Variants in SLC44A5 observed in about 807,000 individuals in gnomAD.
SLC44A5 encodes the protein solute carrier family 44 member 5.
A neutral mutation model predicts 101.8 loss-of-function variants in SLC44A5; 57 were observed. That is an observed-to-expected ratio of 0.56 (90% confidence interval 0.45 to 0.70). The LOEUF is 0.70. Among genes scored for constraint, SLC44A5 ranks in the 30% least tolerant of loss-of-function variants. The pLI is 0.00. For missense variants in SLC44A5, 737 were observed against 853.1 expected, an observed-to-expected ratio of 0.86 and a Z score of 1.70; for synonymous variants, 281 against 290.9, an observed-to-expected ratio of 0.97 and a Z score of 0.35.
At chr1:75,395,017 A>G (rs1285506485) in intron 3 of SLC44A5, among the ~76,000 whole-genome samples, 2 of 152,020 alleles carry the variant, frequency 1.3e-5, no homozygotes, top group Non-Finnish European at 2.9e-5. Flanking sequence ...ACAATATCCT[A>G]TATTGAACCT....
At chr1:75,283,178 A>G (rs112792147) in intron 5 of SLC44A5, among the ~76,000 whole-genome samples, 1 of 120,444 alleles carries the variant, frequency 8.3e-6, no homozygotes. Flanking sequence ...TTTTTTTTTT[A>G]TTATGGCCAT....
At chr1:75,608,591 C>G (rs1158084418) in intron 1 of SLC44A5, among the ~76,000 whole-genome samples, 2 of 151,984 alleles carry the variant, frequency 1.3e-5, no homozygotes, top group African/African-American at 4.8e-5. Context: ...AGTCTTAAAA[C>G]TTTCTAAAAA....
chr1:75,601,008 T>C (rs917924837), intron 1 of SLC44A5, among the ~76,000 whole-genome samples: 1 of 152,196 alleles, frequency 6.6e-6, no homozygotes, highest in African/African-American at 2.4e-5. Flanking sequence ...AGTGCATGAC[T>C]TATGATGACA....
chr1:75,654,333 A>C, the SLC44A5 span, among the ~76,000 whole-genome samples: 1 of 152,234 alleles, frequency 6.6e-6, no homozygotes, highest in Non-Finnish European at 1.5e-5. Flanking sequence ...ACTTTAAATT[A>C]AAATTGTTCA....
chr1:75,639,822 A>G, the SLC44A5 span, among the ~76,000 whole-genome samples: 2 of 151,958 alleles, frequency 1.3e-5, no homozygotes, highest in South Asian at 2.1e-4. Context: ...AGAAATTCTG[A>G]TATCTCCTGA....
At chr1:75,523,889 T>G (rs1376848334) in intron 2 of SLC44A5, among the ~76,000 whole-genome samples, 1 of 152,122 alleles carries the variant, frequency 6.6e-6, no homozygotes, top group African/African-American at 2.4e-5. Context: ...AACAAAGAAT[T>G]TTCTGGGCCA....
intron 3 of SLC44A5, among the ~76,000 whole-genome samples, chr1:75,362,244 T>G (rs745648280): frequency 1.3e-5 from 2 of 151,874 alleles, no homozygotes; most frequent in Non-Finnish European, 2.9e-5. Flanking sequence ...AAAAAAATGT[T>G]CGTTTCATTG....
the SLC44A5 span, among the ~76,000 whole-genome samples, chr1:75,669,851 C>T: frequency 6.6e-6 from 1 of 152,186 alleles, no homozygotes; most frequent in Non-Finnish European, 1.5e-5. Flanking sequence ...CTATATACAT[C>T]TTTCACCTTC....
chr1:75,268,507 C>T (rs1317956273), intron 6 of SLC44A5, among the ~76,000 whole-genome samples: 7 of 152,042 alleles, frequency 4.6e-5, no homozygotes, highest in Admixed American at 3.3e-4. Context: ...GTAGCTTGTT[C>T]ATTTGTTTTT....
At chr1:75,333,109 C>T (rs940008070) in intron 4 of SLC44A5, among the ~76,000 whole-genome samples, 1 of 151,968 alleles carries the variant, frequency 6.6e-6, no homozygotes, top group African/African-American at 2.4e-5. Flanking sequence ...AAAATGTCTG[C>T]AAGAGGTTAC....
At chr1:75,530,651 C>G (rs1351239876) in intron 2 of SLC44A5, among the ~76,000 whole-genome samples, 2 of 152,154 alleles carry the variant, frequency 1.3e-5, no homozygotes, top group African/African-American at 4.8e-5. Flanking sequence ...TTTGTTTACC[C>G]ACTAATTGCT....
chr1:75,335,618 G>A (rs1657383038), intron 4 of SLC44A5, among the ~76,000 whole-genome samples: 1 of 152,104 alleles, frequency 6.6e-6, no homozygotes. Flanking sequence ...AGAGTTGTTT[G>A]ATCATCATTT....
chr1:75,642,200 TG>T, the SLC44A5 span: 1 of 598,106 alleles, frequency 1.7e-6, no homozygotes, highest in African/African-American at 1.9e-5. Flanking sequence ...CACAGGTCTG[TG>T]ACAGCTTGTT....
chr1:75,691,905 C>T, the SLC44A5 span, among the ~76,000 whole-genome samples: 2 of 152,152 alleles, frequency 1.3e-5, no homozygotes, highest in East Asian at 1.9e-4. Context: ...AAGGCCTCAC[C>T]TCCAAATAGC....
rs779174551 is a variant in SLC44A5 at position 75,274,843 on chromosome 1, G to A, written c.260+115C>T. 4.9e-6 allele frequency: 4 copies of A among 811,280 alleles called. No homozygotes were observed. In the African/African-American group the frequency reaches 5.2e-5, roughly 11 times the overall value. 50.3% of individuals were successfully genotyped at this position (811,280 alleles called of 1,614,324 possible). On this transcript the variant is annotated intron_variant, in intron 6 of 23. Coordinates refer to ENST00000370859, the MANE Select transcript of SLC44A5 (RefSeq NM_001130058.2). ...ATCTGTTAGAAAAAAGGGAGGGAAG[G>A]CTTCCTTTATGAATTTAAATCTTCT...
chr1:75,331,062 C>T (rs1657018411), intron 4 of SLC44A5, among the ~76,000 whole-genome samples: 1 of 151,366 alleles, frequency 6.6e-6, no homozygotes, highest in Non-Finnish European at 1.5e-5. Context: ...GATTCTTCCA[C>T]CTCTGCTTGA....
chr1:75,659,453 G>GA, the SLC44A5 span, among the ~76,000 whole-genome samples: 20 of 36,364 alleles, frequency 5.5e-4, no homozygotes, highest in African/African-American at 2.2e-3. Context: ...GGGAAGGAAG[G>GA]AAGGAAGGAA....
the SLC44A5 span, among the ~76,000 whole-genome samples, chr1:75,627,121 T>C: frequency 2.0e-4 from 30 of 152,190 alleles, no homozygotes; most frequent in Non-Finnish European, 4.0e-4. Context: ...TGAGAAGTAA[T>C]GGTTCCCTTT....
chr1:75,342,255 AG>A (rs2101040016), intron 3 of SLC44A5, among the ~76,000 whole-genome samples: 1 of 152,302 alleles, frequency 6.6e-6, no homozygotes, highest in South Asian at 2.1e-4. Context: ...TATTTGTACC[AG>A]GGACTACCGT....
Sources: gnomAD v4.1 joint callset for allele counts (sites outside exome capture counted in the v4.1 genomes callset) on GRCh38, gnomAD v4.1.1 for gene constraint, MANE v1.5 for transcripts, NCBI Gene and HGNC (gene_info 2026-07-23, HGNC 2026-07-21) for gene names.